FNBP1: variants seen among roughly 807,000 people sequenced by gnomAD.
FNBP1 encodes formin binding protein 1, also known as formin-binding protein 1.
A neutral mutation model predicts 90.6 loss-of-function variants in FNBP1; 26 were observed. The observed-to-expected ratio is 0.29, with a 90% CI of 0.21 to 0.40. The LOEUF (loss-of-function observed/expected upper bound fraction) is 0.40. Ranked by LOEUF, FNBP1 falls within the 10% of genes least tolerant of loss-of-function variation. FNBP1 has a pLI of 1.00. For synonymous variants in FNBP1, 260 were observed against 265.2 expected, an observed-to-expected ratio of 0.98 and a Z score of 0.19; for missense variants, 635 against 768.0, an observed-to-expected ratio of 0.83 and a Z score of 2.05.
chr9:129,899,599 C>T (rs1228522514), intron 15 of FNBP1, among the ~76,000 whole-genome samples: 1 of 151,984 alleles, frequency 6.6e-6, no homozygotes, highest in Non-Finnish European at 1.5e-5. Context: ...CATGGTGGTG[C>T]TTGCCTGTAG....
intron 4 of FNBP1, among the ~76,000 whole-genome samples, chr9:129,967,806 G>T (rs939143354): frequency 6.6e-6 from 1 of 152,150 alleles, no homozygotes; most frequent in Non-Finnish European, 1.5e-5. Context: ...CCCATGAAAT[G>T]AAGAAAAGAA....
chr9:129,921,197 T>C (rs1156475019), intron 10 of FNBP1, among the ~76,000 whole-genome samples: 1 of 152,152 alleles, frequency 6.6e-6, no homozygotes. Flanking sequence ...TGTGAGGAAA[T>C]ATTGTTTTGT....
In FNBP1 at chr9:129,902,910, G is replaced by T. The variant is rs972182336; in HGVS notation, c.1387C>A (p.Gln463Lys). ...SLDHKLAEVS[Q>K]NIEKLRVETQ... ...TCTACTCGCAGTTTCTCTATATTTT[G>T]GCTGACTTCTGCTAATTTGTGATCC... Residue 463 changes from glutamine to lysine, a missense_variant, in exon 13 of 17, where the codon CAA becomes AAA. Physicochemically the swap from Gln to Lys is moderately conservative, Grantham distance 53. Coordinates refer to ENST00000446176, the MANE Select transcript of FNBP1 (RefSeq NM_015033.3). 6.2e-7 allele frequency: 1 copy of T among 1,613,396 alleles called. No individual in the cohort carries two copies. Among genetic ancestry groups the T allele is most frequent in the African/African-American group, 1.3e-5 (1 of 75,002 alleles).
At chr9:129,948,083 G>C (rs1383137262) in intron 6 of FNBP1, among the ~76,000 whole-genome samples, 1 of 151,796 alleles carries the variant, frequency 6.6e-6, no homozygotes, top group African/African-American at 2.4e-5. Flanking sequence ...GAGGCTAGGA[G>C]TTCAAGACCA....
chr9:129,974,689 G>C (rs1168235660), intron 4 of FNBP1, among the ~76,000 whole-genome samples: 1 of 151,310 alleles, frequency 6.6e-6, no homozygotes, highest in Admixed American at 6.6e-5. Context: ...GCAAGACCTT[G>C]TCTCTACAAA....
chr9:130,026,887 G>T (rs1353891723), intron 1 of FNBP1, among the ~76,000 whole-genome samples: 1 of 151,254 alleles, frequency 6.6e-6, no homozygotes, highest in Non-Finnish European at 1.5e-5. Flanking sequence ...GATAGCTTGA[G>T]CCCAGGAGGT....
chr9:129,939,006 T>TC (rs1195157287), intron 6 of FNBP1, among the ~76,000 whole-genome samples: 2 of 152,068 alleles, frequency 1.3e-5, no homozygotes, highest in East Asian at 3.9e-4. Context: ...AGACAGAGTA[T>TC]CCCTCTTGTC....
chr9:129,892,092 C>T (rs935544562), intron 16 of FNBP1, among the ~76,000 whole-genome samples: 1 of 152,064 alleles, frequency 6.6e-6, no homozygotes, highest in African/African-American at 2.4e-5. Context: ...TCGCGGCTTT[C>T]CGGCAGTTAT....
the FNBP1 span, among the ~76,000 whole-genome samples, chr9:130,048,314 C>CAAAAAAAAAAAAAAAAAAA: frequency 1.2e-4 from 6 of 50,722 alleles, 1 homozygote; most frequent in African/African-American, 1.7e-4. Context: ...GACTCCATCT[C>CAAAAAAAAAAAAAAAAAAA]AAAAAAAAAA....
At chr9:129,983,995 C>A (rs1346019366) in intron 2 of FNBP1, among the ~76,000 whole-genome samples, 2 of 152,020 alleles carry the variant, frequency 1.3e-5, no homozygotes, top group East Asian at 1.9e-4. Context: ...AATAAACATT[C>A]TTTTATAAGG....
chr9:129,982,650 T>A (rs916788314), intron 2 of FNBP1, among the ~76,000 whole-genome samples: 1 of 152,058 alleles, frequency 6.6e-6, no homozygotes, highest in Non-Finnish European at 1.5e-5. Flanking sequence ...ATTTTACAAT[T>A]CATTTTTATT....
chr9:129,927,112 A>G, intron 8 of FNBP1, 83 bp downstream of exon 8: 1 of 1,394,316 alleles, frequency 7.2e-7, no homozygotes, highest in Non-Finnish European at 1.0e-6. Context: ...TGAGATGATG[A>G]CATGAGGTCA....
chr9:130,037,002 G>A (rs2059377044), intron 1 of FNBP1, among the ~76,000 whole-genome samples: 1 of 146,148 alleles, frequency 6.8e-6, no homozygotes. Context: ...CCGAAATCAC[G>A]CCACTGCACT....
chr9:129,965,708 G>GCGCGCGCA (rs1554821703), intron 4 of FNBP1, among the ~76,000 whole-genome samples: 2 of 145,560 alleles, frequency 1.4e-5, no homozygotes, highest in East Asian at 2.0e-4. Context: ...GCGCGCGCGC[G>GCGCGCGCA]CACACACACA....
At chr9:130,045,974 T>G (rs566150792), upstream of FNBP1, among the ~76,000 whole-genome samples, 1 of 152,162 alleles carries the variant, frequency 6.6e-6, no homozygotes, top group Non-Finnish European at 1.5e-5. Context: ...ATGTAAACGC[T>G]GATATTATCT....
chr9:129,993,332 A>T (rs1164506889), intron 2 of FNBP1, among the ~76,000 whole-genome samples: 2 of 151,956 alleles, frequency 1.3e-5, no homozygotes, highest in African/African-American at 4.8e-5. Flanking sequence ...ATTCAACTAC[A>T]ACTATACAAC....
chr9:129,921,300 C>G (rs1302142503), intron 10 of FNBP1, among the ~76,000 whole-genome samples: 1 of 150,586 alleles, frequency 6.6e-6, no homozygotes, highest in African/African-American at 2.4e-5. Flanking sequence ...GGGTCTCACT[C>G]TGTTGCCCTG....
chr9:130,047,156 C>T (rs2060065236), upstream of FNBP1, among the ~76,000 whole-genome samples: 1 of 151,820 alleles, frequency 6.6e-6, no homozygotes, highest in African/African-American at 2.4e-5. Context: ...AGACTATGGC[C>T]AGGGTGACAG....
intron 2 of FNBP1, among the ~76,000 whole-genome samples, chr9:129,986,116 A>T (rs1205664775): frequency 6.6e-6 from 1 of 152,080 alleles, no homozygotes; most frequent in Non-Finnish European, 1.5e-5. Flanking sequence ...AGCCTGGGCA[A>T]CAGAGTGAGA....
Sources: allele counts gnomAD v4.1 joint callset (sites outside exome capture counted in the v4.1 genomes callset), GRCh38; gene constraint gnomAD v4.1.1; transcripts MANE v1.5; gene names NCBI Gene and HGNC (gene_info 2026-07-23, HGNC 2026-07-21).